Variants in ANK3 observed in about 807,000 individuals in gnomAD.
ANK3 encodes ankyrin 3, also known as ankyrin-3.
Under a neutral mutation model 370.9 loss-of-function variants are expected in ANK3, and 57 were observed. That is an observed-to-expected ratio of 0.15 (90% CI 0.12 to 0.19). The LOEUF (loss-of-function observed/expected upper bound fraction) is 0.19, where lower values mean the gene tolerates loss of function less well. ANK3 is among the 10% of genes least tolerant of loss of function. The pLI is 1.00. For synonymous variants in ANK3, 1,929 were observed against 1,946.3 expected (o/e 0.99, Z 0.23); for missense variants, 4,439 against 5,302.1 (o/e 0.84, Z 5.06).
intron 1 of ANK3, among the ~76,000 whole-genome samples, chr10:60,679,420 A>C (rs2079165837): frequency 6.6e-6 from 1 of 152,174 alleles, no homozygotes; most frequent in African/African-American, 2.4e-5. Flanking sequence ...GATAGAAAAC[A>C]CCTGAAGCTG....
chr10:60,707,652 T>C (rs2079639238), intron 1 of ANK3, among the ~76,000 whole-genome samples: 2 of 151,362 alleles, frequency 1.3e-5, no homozygotes, highest in Non-Finnish European at 1.5e-5. Context: ...ATTATAGATT[T>C]AAAATGCCAA....
At chr10:60,239,259 G>GA (rs1372143269) in intron 7 of ANK3, among the ~76,000 whole-genome samples, 9 of 152,038 alleles carry the variant, frequency 5.9e-5, no homozygotes, top group Non-Finnish European at 1.3e-4. Context: ...TTGGAGTGAT[G>GA]AAAGGCAGAA....
chr10:60,577,852 C>T (rs1256382600), intron 2 of ANK3, among the ~76,000 whole-genome samples: 1 of 152,166 alleles, frequency 6.6e-6, no homozygotes, highest in Non-Finnish European at 1.5e-5. Context: ...AAAATGATCA[C>T]AGTGACATTG....
intron 2 of ANK3, among the ~76,000 whole-genome samples, chr10:60,418,507 C>T (rs2063715245): frequency 6.6e-6 from 1 of 151,930 alleles, no homozygotes; most frequent in Non-Finnish European, 1.5e-5. Context: ...GGGTTTTATT[C>T]ATTTTTTAAT....
chr10:60,246,660 C>G (rs529117674), intron 7 of ANK3, among the ~76,000 whole-genome samples: 7 of 152,276 alleles, frequency 4.6e-5, no homozygotes, highest in African/African-American at 1.7e-4. Flanking sequence ...GGGATCTGTT[C>G]TAAACTCAAG....
intron 1 of ANK3, among the ~76,000 whole-genome samples, chr10:60,359,957 C>T (rs2058344954): frequency 6.6e-6 from 1 of 152,212 alleles, no homozygotes; most frequent in Admixed American, 6.5e-5. Flanking sequence ...CACAACTCTA[C>T]TATTCGTTTC....
At chr10:60,078,725 C>T (rs1246061301) in intron 36 of ANK3, among the ~76,000 whole-genome samples, 1 of 152,154 alleles carries the variant, frequency 6.6e-6, no homozygotes, top group Non-Finnish European at 1.5e-5. Flanking sequence ...GGAAAGGCAG[C>T]GTGGTGAAGG....
chr10:60,517,761 A>G (rs1389344731), intron 2 of ANK3, among the ~76,000 whole-genome samples: 2 of 93,578 alleles, frequency 2.1e-5, no homozygotes, highest in African/African-American at 6.4e-5. Context: ...AGAGAAAGAG[A>G]GAGAGAGAGA....
intron 2 of ANK3, among the ~76,000 whole-genome samples, chr10:60,490,873 C>T (rs766321095): frequency 3.9e-5 from 6 of 152,070 alleles, no homozygotes; most frequent in African/African-American, 4.8e-5. Flanking sequence ...TAAAAATCAC[C>T]CAAAACAAAA....
At chr10:60,717,290 CA>C (rs1234248092) in intron 1 of ANK3, among the ~76,000 whole-genome samples, 1 of 152,066 alleles carries the variant, frequency 6.6e-6, no homozygotes, top group Non-Finnish European at 1.5e-5. Context: ...ATAAAACTGT[CA>C]AAATATCCAC....
At chr10:60,469,679 ATG>A (rs1313752809) in intron 2 of ANK3, among the ~76,000 whole-genome samples, 1 of 81,852 alleles carries the variant, frequency 1.2e-5, no homozygotes, top group African/African-American at 4.3e-5. Context: ...ATATATATAT[ATG>A]GTGGTATATA....
intron 1 of ANK3, among the ~76,000 whole-genome samples, chr10:60,660,176 T>G (rs1018375872): frequency 2.0e-5 from 3 of 152,180 alleles, no homozygotes; most frequent in African/African-American, 4.8e-5. Context: ...TGTGTCAGAA[T>G]AAGAACCCTC....
rs537370523 is a variant in ANK3, at chr10:60,316,436, CTTCTT to C, written c.115-36802_115-36798del. 1.3e-3 allele frequency among the ~76,000 whole-genome samples: 202 copies of C among 152,304 alleles called. 3 individuals are homozygous for C. Among genetic ancestry groups the C allele is most frequent in the Admixed American group, 7.7e-3 (118 of 15,292 alleles). ...TCTTAATCTTGGGCTAGTTACTCAG[CTTCTT>C]TTCGTCTTCTGGAGTTACTTCTCAC... On this transcript the variant is annotated intron_variant, in intron 1 of 43. Coordinates refer to ENST00000280772, the MANE Select transcript of ANK3 (RefSeq NM_020987.5).
At chr10:60,415,921 C>A (rs1173015452) in intron 2 of ANK3, among the ~76,000 whole-genome samples, 2 of 111,964 alleles carry the variant, frequency 1.8e-5, no homozygotes, top group Non-Finnish European at 3.8e-5. Context: ...TTTGTGCCCC[C>A]CACCCCCCCG....
chr10:60,709,934 A>G (rs555991103), intron 1 of ANK3, among the ~76,000 whole-genome samples: 1 of 152,330 alleles, frequency 6.6e-6, no homozygotes, highest in Admixed American at 6.5e-5. Context: ...ATCTGTTTAC[A>G]AGATGAATCA....
intron 2 of ANK3, among the ~76,000 whole-genome samples, chr10:60,485,741 A>T (rs967038070): frequency 1.3e-4 from 20 of 152,190 alleles, no homozygotes; most frequent in African/African-American, 4.6e-4. Context: ...TCCAGCTTTC[A>T]GTGTCTAGCA....
chr10:60,226,667 G>A (rs533932708), intron 8 of ANK3, among the ~76,000 whole-genome samples: 4 of 133,046 alleles, frequency 3.0e-5, no homozygotes, highest in African/African-American at 8.3e-5. Flanking sequence ...ATAAATTATA[G>A]TATAATATAG....
At chr10:60,393,654 T>G (rs1387004196), upstream of ANK3, among the ~76,000 whole-genome samples, 2 of 152,192 alleles carry the variant, frequency 1.3e-5, no homozygotes, top group Non-Finnish European at 2.9e-5. Context: ...ATTTTTCACA[T>G]ACACCTTTCC....
intron 23 of ANK3, among the ~76,000 whole-genome samples, chr10:60,157,691 A>T (rs969590025): frequency 6.6e-6 from 1 of 152,028 alleles, no homozygotes; most frequent in African/African-American, 2.4e-5. Flanking sequence ...CAGTTTCTCA[A>T]TAGCAGAATG....
Sources: gnomAD v4.1 joint callset for allele counts (sites outside exome capture counted in the v4.1 genomes callset) on GRCh38, gnomAD v4.1.1 for gene constraint, MANE v1.5 for transcripts, NCBI Gene and HGNC (gene_info 2026-07-23, HGNC 2026-07-21) for gene names.